The following MSTO1 variants were observed in gnomAD, a reference collection of about 807,000 sequenced individuals.
MSTO1 encodes the protein protein misato homolog 1.
MSTO1 carries 24 observed loss-of-function variants against 55.7 expected under a neutral mutation model. The observed-to-expected ratio is 0.43, with a 90% CI of 0.31 to 0.61. MSTO1 has a LOEUF of 0.61. Among genes scored for constraint, MSTO1 ranks in the 20% least tolerant of loss-of-function variants. MSTO1 has a pLI of 0.09. For missense variants in MSTO1, 363 were observed against 625.7 expected (o/e 0.58, Z 4.48); for synonymous variants, 162 against 252.8 (o/e 0.64, Z 3.41).
chr1:155,590,506 G>T, the MSTO1 span: 1 of 577,346 alleles, frequency 1.7e-6, no homozygotes, highest in Non-Finnish European at 3.0e-6. Flanking sequence ...AATAGAAGGA[G>T]GCAGAAACAA....
At chr1:155,587,567 C>T in the MSTO1 span, among the ~76,000 whole-genome samples, 1 of 149,796 alleles carries the variant, frequency 6.7e-6, no homozygotes, top group East Asian at 2.0e-4. Context: ...CACGGTGAAA[C>T]CCCGTCTCTA....
the MSTO1 span, among the ~76,000 whole-genome samples, chr1:155,600,427 G>T: frequency 6.6e-6 from 1 of 152,218 alleles, no homozygotes; most frequent in Non-Finnish European, 1.5e-5. Flanking sequence ...TCTTAGTACA[G>T]AACAAAATGG....
At chr1:155,604,958 C>T in the MSTO1 span, among the ~76,000 whole-genome samples, 1 of 151,228 alleles carries the variant, frequency 6.6e-6, no homozygotes, top group East Asian at 2.0e-4. Flanking sequence ...TAATTTTTTG[C>T]CTTTAAAACA....
the MSTO1 span, among the ~76,000 whole-genome samples, chr1:155,599,912 AC>A: frequency 6.6e-6 from 1 of 152,326 alleles, no homozygotes; most frequent in South Asian, 2.1e-4. Flanking sequence ...CGCATGTCCC[AC>A]CTCCAGCCCT....
At chr1:155,598,895 T>C in the MSTO1 span, 6 of 1,454,958 alleles carry the variant, frequency 4.1e-6, no homozygotes, top group Non-Finnish European at 4.8e-6. Flanking sequence ...CAGGACTGGC[T>C]GATACTACGT....
At chr1:155,604,324 A>G in the MSTO1 span, among the ~76,000 whole-genome samples, 3 of 152,174 alleles carry the variant, frequency 2.0e-5, no homozygotes, top group African/African-American at 7.2e-5. Flanking sequence ...CTGACTGACA[A>G]TGGACCATAA....
At chr1:155,569,986 G>A in the MSTO1 span, among the ~76,000 whole-genome samples, 1 of 152,094 alleles carries the variant, frequency 6.6e-6, no homozygotes, top group Non-Finnish European at 1.5e-5. Flanking sequence ...AATGAAAGTC[G>A]AGAAAGATAA....
At chr1:155,609,495 G>A (rs1376762289), upstream of MSTO1, among the ~76,000 whole-genome samples, 4 of 151,708 alleles carry the variant, frequency 2.6e-5, no homozygotes, top group Non-Finnish European at 5.9e-5. Context: ...TGATCTGCCC[G>A]CCTCAGCCTC....
intron 4 of MSTO1, 91 bp from the exon 5 acceptor site, chr1:155,611,458 T>G: frequency 6.2e-7 from 1 of 1,612,870 alleles, no homozygotes; most frequent in Non-Finnish European, 8.5e-7. Context: ...AAGGAGGCTA[T>G]GCGGTGTGGC....
the MSTO1 span, among the ~76,000 whole-genome samples, chr1:155,570,647 C>T: frequency 6.6e-6 from 1 of 152,174 alleles, no homozygotes; most frequent in African/African-American, 2.4e-5. Context: ...ACCATGTTCA[C>T]ATAACTTTTG....
chr1:155,571,624 G>C, the MSTO1 span, among the ~76,000 whole-genome samples: 1 of 152,156 alleles, frequency 6.6e-6, no homozygotes, highest in Admixed American at 6.6e-5. Context: ...GTAAATTTCA[G>C]AACTCTTTTA....
the MSTO1 span, among the ~76,000 whole-genome samples, chr1:155,584,831 C>T: frequency 6.6e-6 from 1 of 151,992 alleles, no homozygotes; most frequent in East Asian, 1.9e-4. Flanking sequence ...GCCTTGAACA[C>T]CTGGGCTCAA....
In MSTO1 at chr1:155,614,631, C is replaced by T. The variant is rs796260884; in HGVS notation, c.*358C>T. On this transcript the variant is annotated 3_prime_UTR_variant, in exon 14 of 14. Transcript: ENST00000245564. ...GCTCTCCAGATCTGTAAACTGGGCT[C>T]AAGGACTGTACAAGCAGAGTACAAC... 1 of 1,035,106 alleles carries T rather than the reference C, an allele frequency of 9.7e-7. No homozygotes were observed. Among genetic ancestry groups the T allele is most frequent in the Admixed American group, 1.9e-5 (1 of 53,580 alleles). The allele number at this position is 1,035,106 out of a possible 1,614,324, so 64.1% of individuals were successfully genotyped here.
chr1:155,575,879 A>G, the MSTO1 span, among the ~76,000 whole-genome samples: 2 of 150,442 alleles, frequency 1.3e-5, no homozygotes, highest in African/African-American at 2.5e-5. Flanking sequence ...CTGCAGTGCA[A>G]TGGCGTGATC....
At chr1:155,596,623 C>T in the MSTO1 span, among the ~76,000 whole-genome samples, 1,209 of 151,830 alleles carry the variant, frequency 8.0e-3, 17 homozygotes, top group African/African-American at 0.028. Flanking sequence ...CAACTCCACA[C>T]AAAAAAATTT....
chr1:155,596,206 T>C, the MSTO1 span, among the ~76,000 whole-genome samples: 7 of 152,186 alleles, frequency 4.6e-5, no homozygotes, highest in Admixed American at 3.3e-4. Flanking sequence ...CAAAATGAAG[T>C]AGAATAAACG....
chr1:155,564,044 A>G, the MSTO1 span: 4 of 165,412 alleles, frequency 2.4e-5, no homozygotes, highest in South Asian at 5.2e-4. Flanking sequence ...ATTAAAGTCC[A>G]CAAATAATTC....
chr1:155,568,212 T>C, the MSTO1 span, among the ~76,000 whole-genome samples: 1 of 150,810 alleles, frequency 6.6e-6, no homozygotes, highest in Admixed American at 6.6e-5. Flanking sequence ...CCCAAGTAGC[T>C]GGGATTACAG....
At chr1:155,578,720 C>G in the MSTO1 span, among the ~76,000 whole-genome samples, 1 of 151,048 alleles carries the variant, frequency 6.6e-6, no homozygotes, top group African/African-American at 2.4e-5. Context: ...CCGTGTTAGC[C>G]AAGATGGTCT....
Sources: gnomAD v4.1 joint callset for allele counts (sites outside exome capture counted in the v4.1 genomes callset) on GRCh38, gnomAD v4.1.1 for gene constraint, MANE v1.5 for transcripts, NCBI Gene and HGNC (gene_info 2026-07-23, HGNC 2026-07-21) for gene names.